The following LMLN variants were observed in gnomAD, a reference collection of about 807,000 sequenced individuals.
LMLN encodes leishmanolysin-like peptidase.
A neutral mutation model predicts 92.3 loss-of-function variants in LMLN; 70 were observed. That is an observed-to-expected ratio of 0.76 (90% CI 0.63 to 0.92). The LOEUF is 0.92. LMLN is among the 40% of genes least tolerant of loss of function. The pLI is 0.00. For missense variants in LMLN, 691 were observed against 814.6 expected (o/e 0.85, Z 1.85); for synonymous variants, 308 against 296.2 (o/e 1.04, Z -0.41).
intron 15 of LMLN, among the ~76,000 whole-genome samples, chr3:198,037,683 A>G (rs1487354440): frequency 6.6e-6 from 1 of 152,218 alleles, no homozygotes; most frequent in Non-Finnish European, 1.5e-5. Flanking sequence ...AAAATATTTA[A>G]AAGGGCAACT....
At chr3:198,015,416 C>T (rs548922010) in intron 11 of LMLN, among the ~76,000 whole-genome samples, 39 of 127,876 alleles carry the variant, frequency 3.0e-4, no homozygotes, top group African/African-American at 1.2e-3. Context: ...ACTAGTCTGA[C>T]TTCTCTCCAC....
chr3:198,039,600 TA>T (rs36003307), exon 16 of LMLN: 2,094 of 147,136 alleles, frequency 0.014, 17 homozygotes, highest in East Asian at 0.024. Flanking sequence ...CCCTGTATCT[TA>T]AAAAAAAAAA....
intron 8 of LMLN, among the ~76,000 whole-genome samples, chr3:197,989,213 C>A (rs772318091): frequency 1.3e-5 from 2 of 152,120 alleles, no homozygotes; most frequent in African/African-American, 4.8e-5. Context: ...CGCACCACAC[C>A]GCTCCTGTTT....
rs775742916 is a variant in LMLN, at chr3:198,021,612, C to T, written c.1525+7C>T. On this transcript the variant is annotated splice_region_variant and intron_variant, in intron 13 of 15. Transcript: ENST00000330198. The stretch of plus-strand genomic sequence containing the variant: ...ATATTGGAAAATCAACCAGGTTAGT[C>T]GGCTAGTGAAATGAAGTATTATATA... 6.2e-6 allele frequency: 10 copies of T among 1,611,966 alleles called. No individual in the cohort carries two copies. The highest frequency in any genetic ancestry group is 4.0e-5 in the African/African-American group (3 of 74,824).
At chr3:197,995,490 A>G (rs1721991134) in intron 9 of LMLN, among the ~76,000 whole-genome samples, 1 of 152,210 alleles carries the variant, frequency 6.6e-6, no homozygotes, top group African/African-American at 2.4e-5. Flanking sequence ...GAACAGAAAG[A>G]CAAATACCTA....
At chr3:198,022,776 A>C (rs1722816824) in intron 13 of LMLN, among the ~76,000 whole-genome samples, 1 of 152,190 alleles carries the variant, frequency 6.6e-6, no homozygotes, top group African/African-American at 2.4e-5. Context: ...GGATTGCTTG[A>C]GCAGCCCAGG....
In LMLN at chr3:198,025,379, TTTTC is replaced by T. The variant is rs1338901516; in HGVS notation, c.1656+595_1656+598del. On this transcript the variant is annotated intron_variant, in intron 14 of 15. Transcript: ENST00000330198. The surrounding 1 kb of genome is among the most constrained non-coding windows in gnomAD (Gnocchi z 4.3). ...AACTACAATTTTTTTTCCTTTTTCTTTTTCTTTTTTTTGAGACAAGGTCTTGCTC... is the reference window on the plus strand; with the variant it reads ...AACTACAATTTTTTTTCCTTTTTCTTTTTTTTTTGAGACAAGGTCTTGCTC... Among the ~76,000 whole-genome samples, 1 of 152,178 alleles carries T rather than the reference TTTTC, an allele frequency of 6.6e-6. No homozygotes were observed. Among genetic ancestry groups the T allele is most frequent in the African/African-American group, 2.4e-5 (1 of 41,428 alleles).
intron 11 of LMLN, among the ~76,000 whole-genome samples, chr3:198,018,730 T>C (rs1234622636): frequency 1.3e-5 from 2 of 152,216 alleles, no homozygotes; most frequent in Admixed American, 1.3e-4. Context: ...CCAGTATTAA[T>C]AGGATTTCTA....
chr3:198,038,600 C>T (rs1560160375), exon 16 of LMLN: 1 of 1,614,100 alleles, frequency 6.2e-7, no homozygotes, highest in Non-Finnish European at 8.5e-7. Flanking sequence ...CTGGTGGTCA[C>T]CCTCTGGCTT....
chr3:198,009,041 T>G (rs1722366258), intron 11 of LMLN, among the ~76,000 whole-genome samples: 1 of 152,176 alleles, frequency 6.6e-6, no homozygotes, highest in Non-Finnish European at 1.5e-5. Context: ...AAGGTGTGTT[T>G]CATGGCCCAG....
intron 13 of LMLN, among the ~76,000 whole-genome samples, chr3:198,024,213 ATTTTTTT>A (rs1245381667): frequency 7.4e-6 from 1 of 134,972 alleles, no homozygotes; most frequent in Non-Finnish European, 1.6e-5. Context: ...GTGGATCCTA[ATTTTTTT>A]TTTTTTTTTT....
intron 14 of LMLN, among the ~76,000 whole-genome samples, chr3:198,028,640 T>A (rs1048170531): frequency 6.6e-6 from 1 of 152,208 alleles, no homozygotes; most frequent in Non-Finnish European, 1.5e-5. Flanking sequence ...GATGGCACCT[T>A]TTAATATAAA....
At chr3:197,988,722 C>T (rs1187889642) in intron 8 of LMLN, among the ~76,000 whole-genome samples, 1 of 151,986 alleles carries the variant, frequency 6.6e-6, no homozygotes, top group East Asian at 1.9e-4. Flanking sequence ...CACTCTGTTA[C>T]CCAGGCTGGA....
At chr3:197,962,583 C>T (rs753075867) in intron 1 of LMLN, among the ~76,000 whole-genome samples, 17 of 152,156 alleles carry the variant, frequency 1.1e-4, no homozygotes, top group Non-Finnish European at 2.9e-5. Context: ...TTTTACACCC[C>T]CATCAACAAA....
At chr3:197,965,524 AGTCACT>A (rs1721034007) in intron 1 of LMLN, among the ~76,000 whole-genome samples, 1 of 152,120 alleles carries the variant, frequency 6.6e-6, no homozygotes, top group African/African-American at 2.4e-5. Flanking sequence ...TATAGACATG[AGTCACT>A]GTACCTGGCC....
At chr3:198,006,247 A>G (rs1170803295) in intron 11 of LMLN, among the ~76,000 whole-genome samples, 2 of 152,234 alleles carry the variant, frequency 1.3e-5, no homozygotes, top group African/African-American at 2.4e-5. Context: ...TGTATGTATC[A>G]ATAATTTCAC....
intron 7 of LMLN, among the ~76,000 whole-genome samples, chr3:197,984,556 T>C (rs903677820): frequency 1.3e-5 from 2 of 151,886 alleles, no homozygotes; most frequent in African/African-American, 2.4e-5. Context: ...TGGGCTCAAG[T>C]GATCCCACCT....
chr3:198,024,237 A>G (rs1196004655), intron 13 of LMLN, among the ~76,000 whole-genome samples: 1 of 134,132 alleles, frequency 7.5e-6, no homozygotes, highest in African/African-American at 2.8e-5. Flanking sequence ...TTTTTTTGAG[A>G]CGGAGTCTCT....
intron 10 of LMLN, among the ~76,000 whole-genome samples, chr3:197,996,707 G>A (rs527733176): frequency 5.5e-4 from 84 of 152,280 alleles, no homozygotes; most frequent in African/African-American, 1.8e-3. Flanking sequence ...TATGAGCTCC[G>A]TTTTAAAAAG....
Sources: allele counts gnomAD v4.1 joint callset (sites outside exome capture counted in the v4.1 genomes callset), GRCh38; gene constraint gnomAD v4.1.1; non-coding constraint Gnocchi (gnomAD v3.1); transcripts MANE v1.5; gene names NCBI Gene and HGNC (gene_info 2026-07-23, HGNC 2026-07-21).